Variants in NOS2 observed in about 807,000 individuals in gnomAD.
NOS2 encodes the protein nitric oxide synthase 2, also known as nitric oxide synthase, inducible.
A neutral mutation model predicts 136.0 loss-of-function variants in NOS2; 96 were observed. The observed-to-expected ratio is 0.71, with a 90% CI of 0.60 to 0.84. NOS2 has a LOEUF of 0.84. Among genes scored for constraint, NOS2 ranks in the 40% least tolerant of loss-of-function variants. The pLI is 0.00. For missense variants in NOS2, 1,237 were observed against 1,496.9 expected, an observed-to-expected ratio of 0.83 and a Z score of 2.87; for synonymous variants, 539 against 587.5, an observed-to-expected ratio of 0.92 and a Z score of 1.20.
At chr17:27,777,376 C>T (rs1008108335) in intron 11 of NOS2, among the ~76,000 whole-genome samples, 4 of 152,208 alleles carry the variant, frequency 2.6e-5, no homozygotes, top group South Asian at 2.1e-4. Context: ...CTCCTTCCCA[C>T]AGGGAAGGGA....
intron 13 of NOS2, among the ~76,000 whole-genome samples, chr17:27,772,833 A>G (rs1908540791): frequency 6.6e-6 from 1 of 152,134 alleles, no homozygotes; most frequent in Non-Finnish European, 1.5e-5. Context: ...CAGGAGTTCA[A>G]GACCAACCTG....
At chr17:27,788,400 C>A (rs1468997537) in intron 4 of NOS2, among the ~76,000 whole-genome samples, 2 of 152,154 alleles carry the variant, frequency 1.3e-5, no homozygotes. Flanking sequence ...TTTAGTCCAA[C>A]CACTCACAGG....
rs1422697241 is a variant in NOS2, at chr17:27,782,050, T to A, written c.687A>T (p.Arg229Ser). The A allele has an allele frequency of 6.2e-7, 1 of 1,614,138 alleles. No homozygotes were observed. The highest frequency in any genetic ancestry group is 1.7e-5 in the Admixed American group (1 of 60,012). ...CATTGTTGGTGGAGTAACGCACGTG[T>A]CTGCAGATGTGTTCAAACATTTCCC... ...TAREMFEHIC[R>S]HVRYSTNNGN... The change falls in exon 7 of 27, where the codon AGA becomes AGT. Residue 229 changes from arginine (R) to serine (S), a missense_variant. Around this residue, in one of 3 missense-constraint regions of NOS2, gnomAD observed 440 missense variants for 545.4 expected, o/e 0.81. Coordinates refer to ENST00000313735, the MANE Select transcript of NOS2 (RefSeq NM_000625.4).
intron 7 of NOS2, 70 bp from the exon 8 acceptor site, chr17:27,781,247 C>T: frequency 6.6e-7 from 1 of 1,504,038 alleles, no homozygotes; most frequent in South Asian, 1.2e-5. Flanking sequence ...TGCACTGGCC[C>T]TACCTCCCTC....
At chr17:27,765,104 G>A (rs1191424949) in intron 20 of NOS2, among the ~76,000 whole-genome samples, 7 of 152,152 alleles carry the variant, frequency 4.6e-5, no homozygotes, top group Admixed American at 6.5e-5. Context: ...TCAGCCTCCC[G>A]AGTGGCTGGG....
rs761597619 is a variant in NOS2, at chr17:27,774,394, T to A, written c.1339A>T (p.Met447Leu). 1 of 1,566,940 alleles carries A rather than the reference T, an allele frequency of 6.4e-7. No individual in the cohort carries two copies. Among genetic ancestry groups the A allele is most frequent in the African/African-American group, 1.4e-5 (1 of 72,728 alleles). Residue 447 changes from methionine (M) to leucine (L), a missense_variant, in exon 12 of 27, where the codon ATG becomes TTG. This residue lies in a region of NOS2 where 15 missense variants were observed against 41.6 expected (regional missense o/e 0.36). Coordinates refer to ENST00000313735, the MANE Select transcript of NOS2 (RefSeq NM_000625.4). ...HSAAESFMKY[M>L]QNEYRSRGGC... ...CCACGGGACCGGTATTCATTCTGCA[T>A]GTACTTCATGAAGGATTCTGCAGCC...
chr17:27,763,059 A>T, intron 21 of NOS2, 54 bp from the exon 22 acceptor site: 1 of 1,168,852 alleles, frequency 8.6e-7, no homozygotes, highest in Middle Eastern at 2.1e-4. Flanking sequence ...GCTTTGGGGA[A>T]AAGACTGTCA....
intron 1 of NOS2, among the ~76,000 whole-genome samples, chr17:27,799,173 G>C (rs906725862): frequency 3.3e-5 from 5 of 152,168 alleles, no homozygotes; most frequent in African/African-American, 1.2e-4. Flanking sequence ...AGCGGGACCT[G>C]CTGGCCCACC....
intron 2 of NOS2, 46 bp downstream of exon 2, chr17:27,798,654 G>T: frequency 8.4e-7 from 1 of 1,187,396 alleles, no homozygotes; most frequent in Non-Finnish European, 1.3e-6. Flanking sequence ...GACAGGGCAT[G>T]GGTGCCCAAG....
chr17:27,773,087 C>A (rs1230338608), intron 13 of NOS2, 74 bp downstream of exon 13: 5 of 1,161,520 alleles, frequency 4.3e-6, no homozygotes, highest in South Asian at 1.2e-5. Flanking sequence ...CCTTCAAGGA[C>A]TGGAGGCAGA....
At chr17:27,768,508 C>T (rs1322847617) in intron 17 of NOS2, among the ~76,000 whole-genome samples, 1 of 152,210 alleles carries the variant, frequency 6.6e-6, no homozygotes. Flanking sequence ...CTAAGCACCA[C>T]CGCTGAGTGA....
intron 12 of NOS2, among the ~76,000 whole-genome samples, chr17:27,773,502 G>A (rs1908566234): frequency 6.6e-6 from 1 of 152,222 alleles, no homozygotes; most frequent in African/African-American, 2.4e-5. Flanking sequence ...GTGTCCTCCT[G>A]GAAGGAACAG....
intron 5 of NOS2, among the ~76,000 whole-genome samples, chr17:27,785,957 CAAAAAAAAAAA>C (rs1170004221): frequency 1.8e-4 from 7 of 39,800 alleles, no homozygotes; most frequent in African/African-American, 5.0e-4. Flanking sequence ...GACCGAGTCT[CAAAAAAAAAAA>C]AAAAAAAAAA....
At chr17:27,778,188 C>T (rs1023019176) in intron 11 of NOS2, among the ~76,000 whole-genome samples, 9 of 151,798 alleles carry the variant, frequency 5.9e-5, no homozygotes, top group Admixed American at 3.3e-4. Flanking sequence ...TTACATGGCA[C>T]GGTCAGGGAG....
intron 2 of NOS2, among the ~76,000 whole-genome samples, chr17:27,791,190 T>C (rs1201672225): frequency 2.6e-5 from 4 of 152,232 alleles, no homozygotes; most frequent in Non-Finnish European, 5.9e-5. Flanking sequence ...AAGCAACTTA[T>C]ATCTGAATCA....
At chr17:27,800,234 T>A (rs1909487638) in intron 1 of NOS2, 105 bp downstream of exon 1, 1 of 152,180 alleles carries the variant, frequency 6.6e-6, no homozygotes, top group Admixed American at 6.5e-5. Flanking sequence ...TCCAACACCT[T>A]CTCTCTGTAG....
intron 5 of NOS2, 49 bp from the exon 6 acceptor site, chr17:27,783,155 A>C (rs1908907228): frequency 1.3e-6 from 2 of 1,589,234 alleles, no homozygotes; most frequent in African/African-American, 2.7e-5. Context: ...ATGGCCTTAC[A>C]TGGGGATTAA....
chr17:27,788,197 C>CACAT (rs1491228890), intron 4 of NOS2, among the ~76,000 whole-genome samples: 1 of 2,426 alleles, frequency 4.1e-4, no homozygotes, highest in Non-Finnish European at 8.3e-4. Context: ...CACACGCGTG[C>CACAT]ACACACACAC....
At chr17:27,773,140 G>T in intron 13 of NOS2, 21 bp downstream of exon 13, 1 of 1,578,114 alleles carries the variant, frequency 6.3e-7, no homozygotes, top group Non-Finnish European at 8.7e-7. Context: ...ATCACTACTA[G>T]CCACTGCCAC....
Sources: allele counts gnomAD v4.1 joint callset (sites outside exome capture counted in the v4.1 genomes callset), GRCh38; gene constraint gnomAD v4.1.1; regional missense constraint gnomAD v4.1.1; transcripts MANE v1.5; gene names NCBI Gene and HGNC (gene_info 2026-07-23, HGNC 2026-07-21).